The following PPP3CB variants were observed in gnomAD, a reference collection of about 807,000 sequenced individuals.
PPP3CB encodes the protein serine/threonine-protein phosphatase 2B catalytic subunit beta isoform.
A neutral mutation model predicts 66.4 loss-of-function variants in PPP3CB; 8 were observed. The ratio of observed to expected loss-of-function variants is 0.12; its 90% CI spans 0.07 to 0.22. PPP3CB has a LOEUF of 0.22. Among genes scored for constraint, PPP3CB ranks in the 10% least tolerant of loss-of-function variants. PPP3CB has a pLI of 1.00. For missense variants in PPP3CB, 319 were observed against 642.5 expected (o/e 0.50, Z 5.44); for synonymous variants, 208 against 221.2 (o/e 0.94, Z 0.53).
Position 73,438,078 on chromosome 10 carries a change from G to C in PPP3CB, c.*164C>G. 1 of 660,050 alleles carries C rather than the reference G, an allele frequency of 1.5e-6. No homozygotes were observed. Among genetic ancestry groups the C allele is most frequent in the Non-Finnish European group, 2.5e-6 (1 of 402,396 alleles). 40.9% of individuals were successfully genotyped at this position (660,050 alleles called of 1,614,324 possible). On this transcript the variant is annotated 3_prime_UTR_variant, in exon 14 of 14. Coordinates refer to ENST00000360663, the MANE Select transcript of PPP3CB (RefSeq NM_021132.4). ...ATCTTATCAGATAGCACATGTCCCA[G>C]GGCCCTCAAGCCTCCATCCAGGAAG... is the stretch of plus-strand genomic sequence containing the variant.
At chr10:73,486,224 G>A (rs564774114) in intron 1 of PPP3CB, among the ~76,000 whole-genome samples, 46 of 151,406 alleles carry the variant, frequency 3.0e-4, no homozygotes, top group African/African-American at 9.2e-4. Context: ...GATTACAGGC[G>A]TGAGCCACCA....
At chr10:73,476,596 G>A (rs145050913) in intron 3 of PPP3CB, among the ~76,000 whole-genome samples, 1,977 of 148,344 alleles carry the variant, frequency 0.013, 16 homozygotes, top group Middle Eastern at 0.055. Context: ...CAGCCTGGGC[G>A]ACAGAGTGAG....
intron 11 of PPP3CB, among the ~76,000 whole-genome samples, chr10:73,445,764 T>C (rs1448191110): frequency 2.7e-4 from 40 of 147,954 alleles, no homozygotes; most frequent in African/African-American, 8.9e-4. Flanking sequence ...TTTTTTTTTT[T>C]CTGAGACAGA....
chr10:73,481,625 T>TAAAAAAAAACAAAAAAAAAAAAAAAAAA, intron 1 of PPP3CB, among the ~76,000 whole-genome samples: 1 of 138,654 alleles, frequency 7.2e-6, no homozygotes, highest in African/African-American at 2.7e-5. Flanking sequence ...TTAAAGTAAC[T>TAAAAAAAAACAAAAAAAAAAAAAAAAAA]AAAAAAAAAC....
chr10:73,488,920 C>A lies in PPP3CB; in HGVS notation c.85+6885G>T, dbSNP rs570801398. ...AGTTCTTATCATTTACTAGAAAAAT[C>A]TCTTCTTCCTCTTTGACTGAACAAA... is the stretch of plus-strand genomic sequence containing the variant. On this transcript the variant is annotated intron_variant, in intron 1 of 13. Transcript: ENST00000360663. Among the ~76,000 whole-genome samples, 5 of 152,290 alleles carry A rather than the reference C, an allele frequency of 3.3e-5. No individual in the cohort carries two copies. The South Asian group carries it at 8.3e-4, about 25-fold the overall frequency.
chr10:73,442,787 G>T (rs2056170105), intron 12 of PPP3CB, among the ~76,000 whole-genome samples: 1 of 151,334 alleles, frequency 6.6e-6, no homozygotes. Flanking sequence ...AAAACACAGT[G>T]TACTTTTCAG....
rs1480236752 is a variant in PPP3CB at position 73,436,666 on chromosome 10, G to GAAT, written c.*1573_*1575dup. 6 of 152,020 alleles carry GAAT rather than the reference G, an allele frequency of 3.9e-5. No homozygotes were observed. Among genetic ancestry groups the GAAT allele is most frequent in the Non-Finnish European group, 8.8e-5 (6 of 68,004 alleles). 9.4% of individuals were successfully genotyped at this position (152,020 alleles called of 1,614,324 possible). On this transcript the variant is annotated 3_prime_UTR_variant, in exon 14 of 14. Transcript: ENST00000360663. The stretch of plus-strand genomic sequence containing the variant: ...TTTTTTTTAAGGCAAAATTTATAAA[G>GAAT]AATTTAATTAATCAAATTACCATGA...
At chr10:73,453,597 G>A (rs1044247956) in intron 10 of PPP3CB, among the ~76,000 whole-genome samples, 9 of 152,026 alleles carry the variant, frequency 5.9e-5, no homozygotes, top group African/African-American at 1.2e-4. Context: ...TTAGAAATAC[G>A]TAGCTATTAA....
At chr10:73,483,773 C>A (rs187793281) in intron 1 of PPP3CB, among the ~76,000 whole-genome samples, 3 of 152,202 alleles carry the variant, frequency 2.0e-5, no homozygotes, top group Admixed American at 2.0e-4. Context: ...CCTGACGGGG[C>A]AAAAGATAAC....
chr10:73,451,729 A>C (rs2056347355), intron 10 of PPP3CB, among the ~76,000 whole-genome samples: 1 of 146,686 alleles, frequency 6.8e-6, no homozygotes. Context: ...ACATAGGGAA[A>C]CCTCACTCAT....
chr10:73,455,792 G>A (rs963047557), intron 9 of PPP3CB, among the ~76,000 whole-genome samples: 7 of 152,222 alleles, frequency 4.6e-5, no homozygotes, highest in Admixed American at 1.3e-4. Flanking sequence ...GGATGGTCTC[G>A]ATCTCCTGAC....
chr10:73,472,807 T>C (rs563758198), intron 4 of PPP3CB, among the ~76,000 whole-genome samples: 3 of 152,252 alleles, frequency 2.0e-5, no homozygotes, highest in South Asian at 4.1e-4. Context: ...GAAGCCAATA[T>C]AGAAACACAA....
chr10:73,474,860 C>G, intron 4 of PPP3CB, 59 bp downstream of exon 4: 1 of 1,588,620 alleles, frequency 6.3e-7, no homozygotes, highest in Non-Finnish European at 8.6e-7. Context: ...ACTCTTACTA[C>G]CCACTTAAGT....
chr10:73,463,143 C>T (rs1364643989), intron 9 of PPP3CB, among the ~76,000 whole-genome samples: 1 of 152,052 alleles, frequency 6.6e-6, no homozygotes, highest in Non-Finnish European at 1.5e-5. Context: ...CCATTCCCTA[C>T]CCTTAAATAT....
intron 1 of PPP3CB, among the ~76,000 whole-genome samples, chr10:73,484,832 A>G (rs1236553081): frequency 2.0e-5 from 3 of 152,052 alleles, no homozygotes; most frequent in Non-Finnish European, 2.9e-5. Context: ...CAGGTGGATC[A>G]CCTGAGGTCA....
chr10:73,470,273 C>A (rs776826471), intron 8 of PPP3CB, among the ~76,000 whole-genome samples: 1 of 151,878 alleles, frequency 6.6e-6, no homozygotes, highest in Non-Finnish European at 1.5e-5. Flanking sequence ...GGAAAGAGAA[C>A]CTAGATCAGT....
In PPP3CB at chr10:73,491,969, AAAATAAATAAAT is replaced by A. The variant is rs141837688; in HGVS notation, c.85+3824_85+3835del. ...GCAAGAAGAGCGAAACTCCATCTCA[AAAATAAATAAAT>A]AAATAAATAAATAAATAAACAAAAA... On this transcript the variant is annotated intron_variant, in intron 1 of 13. Coordinates refer to ENST00000360663, the MANE Select transcript of PPP3CB (RefSeq NM_021132.4). Among the ~76,000 whole-genome samples the A allele has an allele frequency of 5.9e-5, 9 of 151,302 alleles. 1 individual carries two copies. In the South Asian group the frequency reaches 6.3e-4, roughly 11 times the overall value.
chr10:73,443,328 GAA>G (rs554377408), intron 12 of PPP3CB, among the ~76,000 whole-genome samples: 1,667 of 131,018 alleles, frequency 0.013, 20 homozygotes, highest in African/African-American at 0.043. Context: ...AAGAAAGAAA[GAA>G]AAAGAAAGAG....
intron 10 of PPP3CB, chr10:73,448,741 G>T (rs2056299818): frequency 3.8e-6 from 2 of 533,150 alleles, no homozygotes; most frequent in Non-Finnish European, 7.7e-6. Flanking sequence ...AGAAAAGGTG[G>T]TTGGGACAAA....
Sources: gnomAD v4.1 joint callset for allele counts (sites outside exome capture counted in the v4.1 genomes callset) on GRCh38, gnomAD v4.1.1 for gene constraint, MANE v1.5 for transcripts, NCBI Gene and HGNC (gene_info 2026-07-23, HGNC 2026-07-21) for gene names.